The following PARD3 variants were observed in gnomAD, a reference collection of about 807,000 sequenced individuals.
The protein encoded by PARD3 is partitioning defective 3 homolog.
In PARD3, 75 loss-of-function variants were observed where a neutral mutation model predicts 155.4. The observed-to-expected ratio is 0.48, with a 90% CI of 0.40 to 0.58. The LOEUF is 0.58. Among genes scored for constraint, PARD3 ranks in the 20% least tolerant of loss-of-function variants. The pLI, the probability that PARD3 is intolerant of heterozygous loss-of-function variation, is 0.00. For synonymous variants in PARD3, 576 were observed against 610.5 expected (o/e 0.94, Z 0.83); for missense variants, 1,642 against 1,721.7 (o/e 0.95, Z 0.82).
At chr10:34,563,773 C>G (rs2085700744) in intron 2 of PARD3, among the ~76,000 whole-genome samples, 1 of 152,110 alleles carries the variant, frequency 6.6e-6, no homozygotes, top group African/African-American at 2.4e-5. Flanking sequence ...TCGTGATCCG[C>G]CCGCCTTGGC....
At chr10:34,120,004 ATTT>A (rs1185067110) in intron 23 of PARD3, among the ~76,000 whole-genome samples, 8 of 73,820 alleles carry the variant, frequency 1.1e-4, no homozygotes, top group African/African-American at 3.5e-4. Flanking sequence ...GTCTTCTTTA[ATTT>A]TTTTTTTTTT....
intron 22 of PARD3, among the ~76,000 whole-genome samples, chr10:34,224,032 G>A (rs1193225043): frequency 6.6e-6 from 1 of 152,148 alleles, no homozygotes; most frequent in African/African-American, 2.4e-5. Context: ...AAACCTTGAG[G>A]GTGTACTTGA....
intron 1 of PARD3, among the ~76,000 whole-genome samples, chr10:34,729,526 A>C (rs1444694319): frequency 7.4e-6 from 1 of 135,338 alleles, no homozygotes; most frequent in African/African-American, 2.5e-5. Context: ...GCAAGACTCC[A>C]TCTCAAAAAA....
intron 2 of PARD3, among the ~76,000 whole-genome samples, chr10:34,637,263 C>T (rs1207775301): frequency 5.3e-5 from 8 of 152,270 alleles, no homozygotes; most frequent in South Asian, 4.1e-4. Context: ...TCAAAAACAA[C>T]GACAAAGCCA....
chr10:34,568,478 G>A (rs986977240), intron 2 of PARD3, among the ~76,000 whole-genome samples: 8 of 152,094 alleles, frequency 5.3e-5, no homozygotes, highest in Admixed American at 2.6e-4. Context: ...CCAAAAAACC[G>A]CTACAAATTT....
intron 2 of PARD3, among the ~76,000 whole-genome samples, chr10:34,536,914 G>A (rs1458425160): frequency 1.3e-5 from 2 of 152,190 alleles, no homozygotes; most frequent in Admixed American, 1.3e-4. Context: ...AGGCCCCTAG[G>A]TGGGTAACTG....
intron 2 of PARD3, among the ~76,000 whole-genome samples, chr10:34,667,659 T>C (rs1564482928): frequency 6.6e-6 from 1 of 152,214 alleles, no homozygotes. Flanking sequence ...GGCATTCACA[T>C]AGGGGTGATA....
intron 5 of PARD3, among the ~76,000 whole-genome samples, chr10:34,434,785 T>C (rs773960): frequency 0.74 from 111,862 of 152,070 alleles, 42,412 homozygotes; most frequent in African/African-American, 0.93. Flanking sequence ...TAAAGAACAC[T>C]CTAAATATCA....
At chr10:34,673,573 CAAGA>C (rs1564489979) in intron 2 of PARD3, among the ~76,000 whole-genome samples, 1 of 152,158 alleles carries the variant, frequency 6.6e-6, no homozygotes, top group Non-Finnish European at 1.5e-5. Context: ...ACAAACTTAT[CAAGA>C]ACACATTACT....
intron 22 of PARD3, among the ~76,000 whole-genome samples, chr10:34,160,473 CTGT>C (rs1345497333): frequency 1.3e-5 from 2 of 152,178 alleles, no homozygotes; most frequent in Admixed American, 1.3e-4. Context: ...TTCAACACTG[CTGT>C]TGATTACATT....
At chr10:34,568,553 C>T (rs2086141160) in intron 2 of PARD3, among the ~76,000 whole-genome samples, 1 of 152,128 alleles carries the variant, frequency 6.6e-6, no homozygotes, top group Admixed American at 6.5e-5. Flanking sequence ...ACAAAGACTA[C>T]AGAGATTATA....
intron 2 of PARD3, among the ~76,000 whole-genome samples, chr10:34,571,987 G>A (rs975881663): frequency 4.6e-5 from 7 of 151,880 alleles, no homozygotes; most frequent in African/African-American, 7.3e-5. Context: ...TTGCCTTTGC[G>A]TTACCCAAGC....
chr10:34,213,255 G>C (rs1410025160), intron 22 of PARD3, among the ~76,000 whole-genome samples: 2 of 152,134 alleles, frequency 1.3e-5, no homozygotes, highest in Non-Finnish European at 2.9e-5. Flanking sequence ...AAGAGAGAAA[G>C]CAAGAAAGAG....
At chr10:34,114,462 G>A (rs1290586065) in intron 24 of PARD3, among the ~76,000 whole-genome samples, 1 of 152,098 alleles carries the variant, frequency 6.6e-6, no homozygotes. Context: ...AGCTGTCTTA[G>A]GCTCCCAGGT....
chr10:34,133,015 C>G (rs1023125611), intron 22 of PARD3, among the ~76,000 whole-genome samples: 3 of 152,086 alleles, frequency 2.0e-5, no homozygotes, highest in Non-Finnish European at 2.9e-5. Flanking sequence ...ATCTTCCCAC[C>G]CCATCCCCTT....
intron 2 of PARD3, among the ~76,000 whole-genome samples, chr10:34,669,454 G>C (rs987334801): frequency 3.9e-5 from 6 of 152,150 alleles, no homozygotes; most frequent in Admixed American, 3.9e-4. Flanking sequence ...GACTCAGGAG[G>C]ATGGGAGGGG....
chr10:34,439,093 G>A (rs1206507620), intron 5 of PARD3, among the ~76,000 whole-genome samples: 1 of 152,190 alleles, frequency 6.6e-6, no homozygotes, highest in Non-Finnish European at 1.5e-5. Flanking sequence ...CAAAAGCAAC[G>A]TCCTAATACT....
At chr10:34,436,784 A>C (rs1384469855) in intron 5 of PARD3, among the ~76,000 whole-genome samples, 4 of 152,202 alleles carry the variant, frequency 2.6e-5, no homozygotes, top group Non-Finnish European at 5.9e-5. Context: ...TTTATGTGTC[A>C]GTCTATAAGG....
chr10:34,261,809 G>C (rs201342078), intron 22 of PARD3, among the ~76,000 whole-genome samples: 105 of 84,962 alleles, frequency 1.2e-3, no homozygotes, highest in African/African-American at 2.7e-3. Context: ...AAGAAAGAAA[G>C]AAAGAAAGAA....
Sources: gnomAD v4.1 joint callset for allele counts (sites outside exome capture counted in the v4.1 genomes callset) on GRCh38, gnomAD v4.1.1 for gene constraint, MANE v1.5 for transcripts, NCBI Gene and HGNC (gene_info 2026-07-23, HGNC 2026-07-21) for gene names.